The following ASAP2 variants were observed in gnomAD, a reference collection of about 807,000 sequenced individuals.
The protein encoded by ASAP2 is arf-GAP with SH3 domain, ANK repeat and PH domain-containing protein 2.
In ASAP2, 45 loss-of-function variants were observed where a neutral mutation model predicts 131.4. That is an observed-to-expected ratio of 0.34 (90% CI 0.27 to 0.44). The LOEUF is 0.44. ASAP2 is among the 20% of genes least tolerant of loss of function. ASAP2 has a pLI of 1.00. For missense variants in ASAP2, 1,011 were observed against 1,297.0 expected, an observed-to-expected ratio of 0.78 and a Z score of 3.39; for synonymous variants, 510 against 503.0, an observed-to-expected ratio of 1.01 and a Z score of -0.19.
Position 9,356,169 on chromosome 2 carries a change from G to C in ASAP2, c.1161-10G>C, listed in dbSNP as rs770130985. On this transcript the variant is annotated splice_polypyrimidine_tract_variant and intron_variant, in intron 13 of 27. Coordinates refer to ENST00000281419, the MANE Select transcript of ASAP2 (RefSeq NM_003887.3). ...TGGAATTTAACACAGCGTTGCTCTT[G>C]TTTTTCTAGATGGATGTCTGTGCTG... 2 of 1,614,042 alleles carry C rather than the reference G, an allele frequency of 1.2e-6. No individual in the cohort carries two copies. Among genetic ancestry groups the C allele is most frequent in the Non-Finnish European group, 1.7e-6 (2 of 1,179,908 alleles).
chr2:9,385,176 A>T (rs1025784720), intron 20 of ASAP2, 69 bp from the exon 21 acceptor site: 85 of 1,247,050 alleles, frequency 6.8e-5, no homozygotes, highest in Non-Finnish European at 4.8e-5. Context: ...CTGCCTGCAC[A>T]CTTCAGTGGG....
chr2:9,256,846 C>G (rs771502049), intron 1 of ASAP2, among the ~76,000 whole-genome samples: 1 of 152,176 alleles, frequency 6.6e-6, no homozygotes, highest in Non-Finnish European at 1.5e-5. Flanking sequence ...AAGCACTGAC[C>G]GAGAGTCAGT....
chr2:9,234,773 T>A (rs1248357355), intron 1 of ASAP2, among the ~76,000 whole-genome samples: 1 of 152,204 alleles, frequency 6.6e-6, no homozygotes, highest in Non-Finnish European at 1.5e-5. Context: ...CTGGGGCCGA[T>A]GCACAGGGGC....
rs1256492196 is a variant in ASAP2 at position 9,268,797 on chromosome 2, A to C, written c.127-10520A>C. On this transcript the variant is annotated intron_variant, in intron 1 of 27. Coordinates refer to ENST00000281419, the MANE Select transcript of ASAP2 (RefSeq NM_003887.3). This position sits in a 1 kb window ranked among gnomAD's most constrained non-coding sequence, Gnocchi z 4.1. The stretch of plus-strand genomic sequence containing the variant: ...ACGAGGGGAGAGGAGATAGGACGGG[A>C]GAGCGGAGCATGCTAGGGCTGCCTG... Among the ~76,000 whole-genome samples, 2 of 152,186 alleles carry C rather than the reference A, an allele frequency of 1.3e-5. No individual in the cohort carries two copies. Among genetic ancestry groups the C allele is most frequent in the Admixed American group, 1.3e-4 (2 of 15,272 alleles).
chr2:9,256,975 G>A (rs1016441948), intron 1 of ASAP2, among the ~76,000 whole-genome samples: 1 of 152,206 alleles, frequency 6.6e-6, no homozygotes, highest in Non-Finnish European at 1.5e-5. Context: ...CTCATTCCAA[G>A]TCCTTGGCTG....
rs1313105085 is a variant in ASAP2 at position 9,400,778 on chromosome 2, C to T, written c.2771C>T (p.Ser924Phe). 5 of 1,613,782 alleles carry T rather than the reference C, an allele frequency of 3.1e-6. No individual in the cohort carries two copies. In the Admixed American group the frequency reaches 8.3e-5, roughly 27 times the overall value. Residue 924 changes from serine (S) to phenylalanine (F), a missense_variant, in exon 26 of 28, where the codon TCC (serine) becomes TTC (phenylalanine). Physicochemically the swap from Ser to Phe is radical, Grantham distance 155 (BLOSUM62 -2). Around this residue, in one of 2 missense-constraint regions of ASAP2, gnomAD observed 652 missense variants for 698.9 expected, o/e 0.93. Transcript: ENST00000281419. ...LSATEALGPLSNAMVLQPPAP... is the reference protein window; with the variant it reads ...LSATEALGPLFNAMVLQPPAP... ...GCAACGGAAGCTCTGGGTCCTCTGT[C>T]CAATGCTATGGTCCTGCAGCCCCCT...
intron 16 of ASAP2, among the ~76,000 whole-genome samples, chr2:9,369,976 G>A (rs1342207800): frequency 6.6e-6 from 1 of 152,100 alleles, no homozygotes; most frequent in Non-Finnish European, 1.5e-5. Flanking sequence ...TGAGTAGCTG[G>A]GACAGGCACA....
In ASAP2 at chr2:9,239,286, T is replaced by C. The variant is rs985494807; in HGVS notation, c.126+32056T>C. 5.9e-5 allele frequency among the ~76,000 whole-genome samples: 9 copies of C among 152,216 alleles called. No individual in the cohort carries two copies. In the East Asian group the frequency reaches 1.7e-3, roughly 29 times the overall value. On this transcript the variant is annotated intron_variant, in intron 1 of 27. Coordinates refer to ENST00000281419, the MANE Select transcript of ASAP2 (RefSeq NM_003887.3). ...TAAGCACAGATTTGGTGTCATCATG[T>C]TGGGATTTGAGGATTAGCTGTTCTG...
At chr2:9,362,344 G>A (rs1310085418) in intron 15 of ASAP2, among the ~76,000 whole-genome samples, 1 of 152,186 alleles carries the variant, frequency 6.6e-6, no homozygotes, top group African/African-American at 2.4e-5. Context: ...CCTCTTTTGG[G>A]TAAATAGAAC....
At chr2:9,245,810 A>G (rs1273314167) in intron 1 of ASAP2, among the ~76,000 whole-genome samples, 2 of 151,898 alleles carry the variant, frequency 1.3e-5, no homozygotes, top group Non-Finnish European at 2.9e-5. Flanking sequence ...CTCCTGGGGG[A>G]CAGAGCCTTT....
chr2:9,374,067 G>A (rs1158320291), intron 16 of ASAP2, among the ~76,000 whole-genome samples: 1 of 152,244 alleles, frequency 6.6e-6, no homozygotes. Flanking sequence ...GTTCAAAGCA[G>A]CAGTGTGTGG....
intron 1 of ASAP2, among the ~76,000 whole-genome samples, chr2:9,266,173 A>C: frequency 7.3e-6 from 1 of 136,634 alleles, no homozygotes; most frequent in Admixed American, 7.9e-5. Context: ...TGGACACAGG[A>C]TCTCACTCTG....
chr2:9,232,759 C>T lies in ASAP2; in HGVS notation c.126+25529C>T, dbSNP rs1005811375. ...GGAGTGAGACATGCTGTTGCCGGAG[C>T]TCTGGTGTCATTGGTTCATAGAAAG... On this transcript the variant is annotated intron_variant, in intron 1 of 27. Coordinates refer to ENST00000281419, the MANE Select transcript of ASAP2 (RefSeq NM_003887.3). The surrounding 1 kb of genome is among the most constrained non-coding windows in gnomAD (Gnocchi z 4.1). 6.6e-6 allele frequency among the ~76,000 whole-genome samples: 1 copy of T among 152,176 alleles called. No individual in the cohort carries two copies. The highest frequency in any genetic ancestry group is 2.4e-5 in the African/African-American group (1 of 41,434).
intron 21 of ASAP2, among the ~76,000 whole-genome samples, chr2:9,387,742 T>C (rs955986460): frequency 3.9e-5 from 6 of 152,218 alleles, no homozygotes. Context: ...TTGGTATGTG[T>C]GTGTTTACTA....
intron 1 of ASAP2, among the ~76,000 whole-genome samples, chr2:9,230,425 T>G (rs1236492370): frequency 6.6e-6 from 1 of 152,190 alleles, no homozygotes; most frequent in Non-Finnish European, 1.5e-5. Flanking sequence ...CCGAGGTTTC[T>G]GGAAGCCACA....
chr2:9,275,105 C>A (rs1439951766), intron 1 of ASAP2, among the ~76,000 whole-genome samples: 3 of 126,284 alleles, frequency 2.4e-5, no homozygotes, highest in Non-Finnish European at 4.8e-5. Context: ...TTTTAAGAGA[C>A]AGGGTCTGTC....
intron 3 of ASAP2, among the ~76,000 whole-genome samples, chr2:9,316,244 C>A (rs572713976): frequency 7.9e-5 from 12 of 151,986 alleles, no homozygotes; most frequent in Admixed American, 2.0e-4. Flanking sequence ...ATCGCCTGAG[C>A]TCAAGAAGTT....
chr2:9,274,487 T>C (rs567716514), intron 1 of ASAP2, among the ~76,000 whole-genome samples: 1 of 152,184 alleles, frequency 6.6e-6, no homozygotes, highest in Non-Finnish European at 1.5e-5. Context: ...CATGCCCAGC[T>C]AATTTTTGTA....
chr2:9,266,027 C>T (rs1183857834), intron 1 of ASAP2, among the ~76,000 whole-genome samples: 2 of 152,154 alleles, frequency 1.3e-5, no homozygotes, highest in African/African-American at 4.8e-5. Context: ...ACCCCCCCAC[C>T]CCCTGCCTTG....
Sources: gnomAD v4.1 joint callset for allele counts (sites outside exome capture counted in the v4.1 genomes callset) on GRCh38, gnomAD v4.1.1 for gene constraint, gnomAD v4.1.1 regional missense constraint, Gnocchi (gnomAD v3.1) non-coding constraint, MANE v1.5 for transcripts, NCBI Gene and HGNC (gene_info 2026-07-23, HGNC 2026-07-21) for gene names.